The following PCDHA6 variants were observed in gnomAD, a reference collection of about 807,000 sequenced individuals.
PCDHA6 encodes the protein protocadherin alpha-6.
A neutral mutation model predicts 60.3 loss-of-function variants in PCDHA6; 55 were observed. The observed-to-expected ratio is 0.91, with a 90% confidence interval of 0.73 to 1.14. The LOEUF is 1.14. Among genes scored for constraint, PCDHA6 ranks in the 50% most tolerant of loss-of-function variants. PCDHA6 has a pLI of 0.00. For synonymous variants in PCDHA6, 652 were observed against 557.9 expected (o/e 1.17, Z -2.38); for missense variants, 1,327 against 1,256.5 (o/e 1.06, Z -0.85).
chr5:140,882,929 G>A, intron 1 of PCDHA6: 1 of 1,614,160 alleles, frequency 6.2e-7, no homozygotes, highest in Non-Finnish European at 8.5e-7. Context: ...AGGTAAACCC[G>A]AGCTGACTGG....
At position 140,884,762 on chromosome 5, in the gene PCDHA6, A is replaced by T. The variant is rs491169; in HGVS notation, c.2394+54277A>T. 4,163 of 1,423,128 alleles carry T rather than the reference A, an allele frequency of 2.9e-3. 95 individuals carry two copies. The African/African-American group carries it at 0.053, about 18-fold the overall frequency. 88.2% of individuals were successfully genotyped at this position (1,423,128 alleles called of 1,614,324 possible). A position where few individuals can be genotyped will look rare whatever the true frequency, so the allele number is the denominator to read the frequency against. On this transcript the variant is annotated intron_variant, in intron 1 of 3. Coordinates refer to ENST00000529310, the MANE Select transcript of PCDHA6 (RefSeq NM_018909.4). ...TCCTGCCAATTTCAAATTATTCTTT[A>T]CTTTAATTTTAATTTTGCTAGTTGT...
intron 1 of PCDHA6, chr5:140,928,814 A>T (rs782622875): frequency 5.6e-6 from 9 of 1,614,150 alleles, no homozygotes; most frequent in Non-Finnish European, 7.6e-6. Context: ...GTTCGGGACC[A>T]TGGAGACCCA....
intron 1 of PCDHA6, chr5:140,878,010 A>G: frequency 2.4e-6 from 2 of 839,980 alleles, no homozygotes; most frequent in Non-Finnish European, 3.4e-6. Flanking sequence ...GTCTAACATT[A>G]ATGAAGGAAA....
chr5:140,852,204 A>G lies in PCDHA6; in HGVS notation c.2394+21719A>G, dbSNP rs2150513408. On this transcript the variant is annotated intron_variant, in intron 1 of 3. Transcript: ENST00000529310. The stretch of plus-strand genomic sequence containing the variant: ...ATGAAAATGCCAGTAACGTTTATTT[A>G]AAACAAAATATTTTAATTTTTAAAT... The G allele has an allele frequency of 7.5e-6, 5 of 666,504 alleles. No homozygotes were observed. The African/African-American group carries it at 9.8e-5, about 13-fold the overall frequency. 41.3% of individuals were successfully genotyped at this position (666,504 alleles called of 1,614,324 possible).
intron 1 of PCDHA6, among the ~76,000 whole-genome samples, chr5:140,961,085 T>C (rs1406733516): frequency 1.3e-5 from 2 of 152,230 alleles, no homozygotes; most frequent in East Asian, 3.8e-4. Flanking sequence ...CAAGTAATTG[T>C]TGACTTTTTG....
At chr5:140,871,552 AGT>A in intron 1 of PCDHA6, 1 of 1,493,376 alleles carries the variant, frequency 6.7e-7, no homozygotes, top group Non-Finnish European at 8.9e-7. Context: ...TTTAAAATCC[AGT>A]TTTTTTTCAC....
chr5:140,869,103 G>A, intron 1 of PCDHA6: 1 of 1,600,312 alleles, frequency 6.2e-7, no homozygotes, highest in Non-Finnish European at 8.5e-7. Context: ...TTTCGTATGC[G>A]ATGTTTGGTT....
intron 1 of PCDHA6, among the ~76,000 whole-genome samples, chr5:140,959,119 G>A (rs576475580): frequency 3.3e-5 from 5 of 152,160 alleles, no homozygotes; most frequent in East Asian, 3.9e-4. Context: ...GAAGGTGGGC[G>A]AGGTGAGCCC....
rs1238131938 is a variant in PCDHA6, at chr5:141,010,564, G to A, written c.*627G>A. Reference sequence around the variant, plus strand: ...GAGACAAAACTACCCCCACTGACAAGGCTTTAGGAGACCCTAAAGTCTGTT... The same window carrying A: ...GAGACAAAACTACCCCCACTGACAAAGCTTTAGGAGACCCTAAAGTCTGTT... On this transcript the variant is annotated 3_prime_UTR_variant, in exon 4 of 4. Coordinates refer to ENST00000529310, the MANE Select transcript of PCDHA6 (RefSeq NM_018909.4). 1 of 289,402 alleles carries A rather than the reference G, an allele frequency of 3.5e-6. No homozygotes were observed. Among genetic ancestry groups the A allele is most frequent in the Non-Finnish European group, 6.5e-6 (1 of 154,048 alleles). 17.9% of individuals were successfully genotyped at this position (289,402 alleles called of 1,614,324 possible).
chr5:140,909,491 A>G (rs1031839388), intron 1 of PCDHA6, among the ~76,000 whole-genome samples: 5 of 152,218 alleles, frequency 3.3e-5, no homozygotes, highest in Non-Finnish European at 7.3e-5. Context: ...GGAGAGCTGA[A>G]CGGGGATGTG....
chr5:140,926,919 A>G, intron 1 of PCDHA6: 9 of 1,566,668 alleles, frequency 5.7e-6, no homozygotes, highest in Non-Finnish European at 7.8e-6. Flanking sequence ...TGGCAGTTTT[A>G]TGTTTGTGGG....
intron 1 of PCDHA6, among the ~76,000 whole-genome samples, chr5:140,873,187 T>C (rs1169831538): frequency 6.6e-6 from 1 of 152,214 alleles, no homozygotes; most frequent in Non-Finnish European, 1.5e-5. Context: ...ATAATATTCA[T>C]TGGCTAAAAA....
At position 140,912,253 on chromosome 5, in the gene PCDHA6, G is replaced by A. The variant is rs531201374; in HGVS notation, c.2395-66696G>A. Among the ~76,000 whole-genome samples the A allele has an allele frequency of 4.8e-4, 73 of 152,064 alleles. 1 individual carries two copies. The highest frequency in any genetic ancestry group is 1.5e-3 in the South Asian group (7 of 4,810). ...ACTGACTCAAATGTTAATCTCCTTTGATGACACCCTCACAGATATACCCAG... is the reference window on the plus strand; with the variant it reads ...ACTGACTCAAATGTTAATCTCCTTTAATGACACCCTCACAGATATACCCAG... On this transcript the variant is annotated intron_variant, in intron 1 of 3. Coordinates refer to ENST00000529310, the MANE Select transcript of PCDHA6 (RefSeq NM_018909.4).
At chr5:140,871,451 A>T in intron 1 of PCDHA6, 1 of 1,608,630 alleles carries the variant, frequency 6.2e-7, no homozygotes, top group Non-Finnish European at 8.5e-7. Context: ...AATAAAGAGG[A>T]GGAAGGGGAA....
intron 1 of PCDHA6, among the ~76,000 whole-genome samples, chr5:140,920,489 A>G (rs1323711960): frequency 2.6e-5 from 4 of 152,182 alleles, no homozygotes; most frequent in African/African-American, 9.7e-5. Flanking sequence ...TGGTCCAACA[A>G]TAGAGTTCTA....
chr5:140,877,225 G>T, intron 1 of PCDHA6: 1 of 1,613,746 alleles, frequency 6.2e-7, no homozygotes, highest in South Asian at 1.1e-5. Context: ...ACCGCGGTCG[G>T]TGGGTGCGGG....
chr5:140,990,998 T>C (rs994699186), intron 3 of PCDHA6, among the ~76,000 whole-genome samples: 1 of 152,216 alleles, frequency 6.6e-6, no homozygotes, highest in Non-Finnish European at 1.5e-5. Flanking sequence ...CTACCATTTA[T>C]TGAGAACTGT....
At chr5:140,876,876 C>T (rs1439703522) in intron 1 of PCDHA6, 1 of 1,614,012 alleles carries the variant, frequency 6.2e-7, no homozygotes, top group Non-Finnish European at 8.5e-7. Context: ...AGGAGAACAA[C>T]CCGCCGGGCT....
intron 1 of PCDHA6, chr5:140,857,702 G>C: frequency 6.3e-7 from 1 of 1,597,414 alleles, no homozygotes; most frequent in Non-Finnish European, 8.6e-7. Context: ...GACGCTGCAG[G>C]TGTTCGTGCT....
Sources: allele counts gnomAD v4.1 joint callset (sites outside exome capture counted in the v4.1 genomes callset), GRCh38; gene constraint gnomAD v4.1.1; transcripts MANE v1.5; gene names NCBI Gene and HGNC (gene_info 2026-07-23, HGNC 2026-07-21).